Variants in STK38L observed in about 807,000 individuals in gnomAD.
STK38L encodes serine/threonine-protein kinase 38-like.
A neutral mutation model predicts 59.7 loss-of-function variants in STK38L; 28 were observed. The observed-to-expected ratio is 0.47, with a 90% CI of 0.35 to 0.64. The LOEUF is 0.64. STK38L is among the 30% of genes least tolerant of loss of function. The pLI is 0.01. For missense variants in STK38L, 314 were observed against 555.8 expected (o/e 0.56, Z 4.37); for synonymous variants, 162 against 176.8 (o/e 0.92, Z 0.66).
intron 1 of STK38L, among the ~76,000 whole-genome samples, chr12:27,286,358 A>C (rs1341909999): frequency 1.3e-5 from 2 of 152,218 alleles, no homozygotes; most frequent in African/African-American, 4.8e-5. Context: ...AAATTCAAAA[A>C]GTGATAAAAG....
chr12:27,258,403 CAACT>C (rs778095952), intron 1 of STK38L, among the ~76,000 whole-genome samples: 5 of 151,950 alleles, frequency 3.3e-5, no homozygotes, highest in Non-Finnish European at 7.4e-5. Context: ...CGGCTCACTG[CAACT>C]AACTGCCACC....
chr12:27,263,410 A>C (rs1433963394), intron 1 of STK38L, among the ~76,000 whole-genome samples: 2 of 152,096 alleles, frequency 1.3e-5, no homozygotes, highest in Non-Finnish European at 2.9e-5. Flanking sequence ...CTTTCAAAAG[A>C]CCTCATGCCT....
rs1448848677 is a variant in STK38L, at chr12:27,308,888, G to GCAAATATA, written c.310-226_310-225insCAAATATA. ...TATATAAATATAAATATATATAAAT[G>GCAAATATA]TAAATATATAAATATATATAAATAT... On this transcript the variant is annotated intron_variant, in intron 4 of 13. Coordinates refer to ENST00000389032, the MANE Select transcript of STK38L (RefSeq NM_015000.4). The surrounding 1 kb of genome is among the most constrained non-coding windows in gnomAD (Gnocchi z 4.5). Among the ~76,000 whole-genome samples, 81 of 139,660 alleles carry GCAAATATA rather than the reference G, an allele frequency of 5.8e-4. 2 individuals are homozygous for GCAAATATA. Among genetic ancestry groups the GCAAATATA allele is most frequent in the African/African-American group, 2.0e-3 (76 of 38,494 alleles). The allele number at this position is 139,660 out of a possible 152,430, so 91.6% of individuals were successfully genotyped here. A position where few individuals can be genotyped will look rare whatever the true frequency, so the allele number is the denominator to read the frequency against.
intron 1 of STK38L, among the ~76,000 whole-genome samples, chr12:27,268,603 G>A (rs979285010): frequency 6.6e-6 from 1 of 152,296 alleles, no homozygotes. Context: ...CTTTAAAGCA[G>A]CATAATTTAT....
chr12:27,274,868 C>G (rs1180315730), intron 1 of STK38L, among the ~76,000 whole-genome samples: 1 of 152,182 alleles, frequency 6.6e-6, no homozygotes, highest in Non-Finnish European at 1.5e-5. Flanking sequence ...CTAACAGTAT[C>G]TCAGTAATCT....
chr12:27,247,663 G>A (rs901164627), intron 1 of STK38L, among the ~76,000 whole-genome samples: 1 of 151,974 alleles, frequency 6.6e-6, no homozygotes, highest in Non-Finnish European at 1.5e-5. Flanking sequence ...TTGCGTCTTT[G>A]TATATTTTGT....
chr12:27,314,592 T>A lies in STK38L; in HGVS notation c.606T>A (p.Asp202Glu), dbSNP rs1944539662. 1 of 1,610,236 alleles carries A rather than the reference T, an allele frequency of 6.2e-7. No homozygotes were observed. The highest frequency in any genetic ancestry group is 1.7e-5 in the Admixed American group (1 of 59,328). ...TTTCAGAGACTGTTCTGGCAATAGA[T>A]GCGATCCACCAGTTGGGTTTCATCC... ...FYISETVLAI[D>E]AIHQLGFIHR... Residue 202 changes from aspartate to glutamate, a missense_variant, in exon 7 of 14, where the codon GAT becomes GAA. By Grantham distance (45) the Asp-to-Glu change is conservative (BLOSUM62 2). Coordinates refer to ENST00000389032, the MANE Select transcript of STK38L (RefSeq NM_015000.4).
In STK38L at chr12:27,322,333, A is replaced by G. The variant is rs1289164996; in HGVS notation, c.1273A>G (p.Asn425Asp). The change falls in exon 14 of 14, where the codon AAT becomes GAT. Residue 425 changes from asparagine to aspartate, a missense_variant. Asn to Asp is a conservative substitution (Grantham distance 23). This residue lies in a region of STK38L where 94 missense variants were observed against 142.2 expected (regional missense o/e 0.66). Transcript: ENST00000389032. ...PESDILQPVP[N>D]TTEPDYKSKD... ...TTTATTTTTTCTCTTTCTAGTGCCA[A>G]ATACCACAGAACCGGACTACAAATC... 1 of 1,613,614 alleles carries G rather than the reference A, an allele frequency of 6.2e-7. No individual in the cohort carries two copies. The highest frequency in any genetic ancestry group is 1.3e-5 in the African/African-American group (1 of 74,892).
At chr12:27,294,506 A>G (rs969932817) in intron 1 of STK38L, among the ~76,000 whole-genome samples, 4 of 79,412 alleles carry the variant, frequency 5.0e-5, no homozygotes, top group Non-Finnish European at 1.1e-4. Flanking sequence ...AATTCTGTCA[A>G]AAAAAAAAAA....
Position 27,322,248 on chromosome 12 carries a change from T to C in STK38L, c.1267+14T>C. ...TTTTACAACCAGGTAAGACAATCTGTAATGTAACTAACCCTATTAAAAGTC... is the reference window on the plus strand; with the variant it reads ...TTTTACAACCAGGTAAGACAATCTGCAATGTAACTAACCCTATTAAAAGTC... On this transcript the variant is annotated intron_variant, in intron 13 of 13. Coordinates refer to ENST00000389032, the MANE Select transcript of STK38L (RefSeq NM_015000.4). 6.2e-7 allele frequency: 1 copy of C among 1,613,656 alleles called. No individual in the cohort carries two copies. Among genetic ancestry groups the C allele is most frequent in the Non-Finnish European group, 8.5e-7 (1 of 1,179,834 alleles).
At chr12:27,265,506 A>G (rs1485383533) in intron 1 of STK38L, among the ~76,000 whole-genome samples, 2 of 152,110 alleles carry the variant, frequency 1.3e-5, no homozygotes, top group African/African-American at 4.8e-5. Flanking sequence ...TGAAACACAT[A>G]CTCTTCACCT....
chr12:27,270,002 A>T (rs1943389088), intron 1 of STK38L, among the ~76,000 whole-genome samples: 1 of 152,104 alleles, frequency 6.6e-6, no homozygotes. Context: ...CCCAGGAAAA[A>T]ATTAACTCAT....
intron 1 of STK38L, among the ~76,000 whole-genome samples, chr12:27,265,034 T>C (rs1480517399): frequency 6.6e-6 from 1 of 152,200 alleles, no homozygotes; most frequent in Non-Finnish European, 1.5e-5. Flanking sequence ...CAGCTTCTAA[T>C]AGATAAATCT....
chr12:27,319,877 T>C lies in STK38L; in HGVS notation c.1175+454T>C, dbSNP rs1267842169. ...AGTTGTTAATTGTGAGCATTGGCTT[T>C]TTTCAGTTTATGGCCAAACTACCAT... On this transcript the variant is annotated intron_variant, in intron 12 of 13. Coordinates refer to ENST00000389032, the MANE Select transcript of STK38L (RefSeq NM_015000.4). Among the ~76,000 whole-genome samples, 10 of 152,210 alleles carry C rather than the reference T, an allele frequency of 6.6e-5. No individual in the cohort carries two copies. In the East Asian group the frequency reaches 1.7e-3, roughly 26 times the overall value.
Position 27,302,742 on chromosome 12 carries a change from C to T in STK38L, c.186+554C>T, listed in dbSNP as rs75931456. ...CTCTTTAACATTGGTATACCTGGGC[C>T]GGGCGCGGTAGCTCACACCTGTAAT... On this transcript the variant is annotated intron_variant, in intron 3 of 13. Transcript: ENST00000389032. Among the ~76,000 whole-genome samples the T allele has an allele frequency of 6.6e-3, 998 of 152,014 alleles. 4 individuals are homozygous for T. Among genetic ancestry groups the T allele is most frequent in the Non-Finnish European group, 0.01 (694 of 67,964 alleles).
intron 1 of STK38L, among the ~76,000 whole-genome samples, chr12:27,249,473 GATT>G (rs1397186470): frequency 1.3e-5 from 2 of 152,170 alleles, no homozygotes; most frequent in Non-Finnish European, 2.9e-5. Flanking sequence ...AAATATCTGG[GATT>G]ACAGGCACGC....
intron 2 of STK38L, among the ~76,000 whole-genome samples, chr12:27,301,899 G>C (rs1178163644): frequency 2.0e-5 from 3 of 152,132 alleles, no homozygotes; most frequent in African/African-American, 7.2e-5. Context: ...ATTTAGGCAG[G>C]AGCGTGAAGT....
At chr12:27,302,079 C>T in intron 2 of STK38L, 58 bp from the exon 3 acceptor site, 3 of 1,358,312 alleles carry the variant, frequency 2.2e-6, no homozygotes, top group South Asian at 1.3e-5. Context: ...ATGTATATTT[C>T]TTAAGTGGAA....
At chr12:27,307,596 G>A (rs1013840793) in intron 3 of STK38L, among the ~76,000 whole-genome samples, 1 of 152,154 alleles carries the variant, frequency 6.6e-6, no homozygotes, top group Non-Finnish European at 1.5e-5. Context: ...CCTCTACTAG[G>A]AGCTAACTAT....
Sources: gnomAD v4.1 joint callset for allele counts (sites outside exome capture counted in the v4.1 genomes callset) on GRCh38, gnomAD v4.1.1 for gene constraint, gnomAD v4.1.1 regional missense constraint, Gnocchi (gnomAD v3.1) non-coding constraint, MANE v1.5 for transcripts, NCBI Gene and HGNC (gene_info 2026-07-23, HGNC 2026-07-21) for gene names.